CFAP47: variants seen among roughly 807,000 people sequenced by gnomAD.
CFAP47 encodes cilia- and flagella-associated protein 47.
In CFAP47, 29 loss-of-function variants were observed where a neutral mutation model predicts 148.1. The observed-to-expected ratio is 0.20, with a 90% CI of 0.15 to 0.27. The LOEUF (loss-of-function observed/expected upper bound fraction) is 0.27, where lower values mean the gene tolerates loss of function less well. CFAP47 is among the 10% of genes least tolerant of loss of function. CFAP47 has a pLI of 1.00. For synonymous variants in CFAP47, 664 were observed against 577.3 expected (o/e 1.15, Z -2.15); for missense variants, 1,872 against 1,697.5 (o/e 1.10, Z -1.81).
chrX:36,290,126 G>A (rs1556005355), intron 51 of CFAP47, among the ~76,000 whole-genome samples: 1 of 108,053 alleles, frequency 9.3e-6, no homozygotes, highest in African/African-American at 3.4e-5. Context: ...AGTCATCTAT[G>A]CTGGCCAAGC....
intron 8 of CFAP47, among the ~76,000 whole-genome samples, chrX:35,959,580 G>C (rs993942440): frequency 9.0e-6 from 1 of 111,334 alleles, no homozygotes; most frequent in Non-Finnish European, 1.9e-5. Flanking sequence ...AGGCCGAGGC[G>C]GCTGGATCAT....
At chrX:36,031,157 A>T (rs918270402) in intron 22 of CFAP47, 96 bp from the exon 23 acceptor site, 6 of 264,917 alleles carry the variant, frequency 2.3e-5, no homozygotes, top group African/African-American at 1.7e-4. Flanking sequence ...AACAAATCTT[A>T]TTTTCTTATT....
chrX:36,200,868 C>T (rs1473422496), intron 43 of CFAP47, among the ~76,000 whole-genome samples: 3 of 111,343 alleles, frequency 2.7e-5, no homozygotes, highest in African/African-American at 9.8e-5. Flanking sequence ...ATTATTTTTC[C>T]TTAAGGAACT....
chrX:36,118,471 T>A (rs147697591), intron 33 of CFAP47, among the ~76,000 whole-genome samples: 3,893 of 110,550 alleles, frequency 0.035, 83 homozygotes, highest in African/African-American at 0.071. Context: ...TTAATTAATT[T>A]ATTTATTTAT....
intron 45 of CFAP47, among the ~76,000 whole-genome samples, chrX:36,223,921 G>A (rs1205960756): frequency 1.8e-5 from 2 of 110,945 alleles, no homozygotes; most frequent in African/African-American, 6.5e-5. Context: ...ACTACTTATT[G>A]GGTATTATAC....
At chrX:36,167,863 T>G (rs1461988130) in intron 39 of CFAP47, among the ~76,000 whole-genome samples, 1 of 112,036 alleles carries the variant, frequency 8.9e-6, no homozygotes, top group African/African-American at 3.2e-5. Context: ...TGTATGCCCT[T>G]AGAACAATCT....
At chrX:36,163,630 G>A (rs1424938652) in intron 39 of CFAP47, among the ~76,000 whole-genome samples, 1 of 110,879 alleles carries the variant, frequency 9.0e-6, no homozygotes, top group Non-Finnish European at 1.9e-5. Flanking sequence ...TTACTTTTGA[G>A]ACAGAGTTAT....
At chrX:36,024,767 T>A (rs1388884585) in intron 22 of CFAP47, among the ~76,000 whole-genome samples, 1 of 111,577 alleles carries the variant, frequency 9.0e-6, no homozygotes, top group Non-Finnish European at 1.9e-5. Context: ...GAACAGGTGA[T>A]GTCAGTGATT....
chrX:36,082,916 ATGAGATAATATATT>A (rs1569253278), intron 29 of CFAP47, among the ~76,000 whole-genome samples: 2 of 111,683 alleles, frequency 1.8e-5, no homozygotes, highest in Admixed American at 1.9e-4. Context: ...TGTAACATTT[ATGAGATAATATATT>A]TAATGCATGT....
chrX:36,306,947 C>T lies in CFAP47; in HGVS notation c.8187+71C>T, dbSNP rs182125627. 1.7e-3 allele frequency: 718 copies of T among 426,547 alleles called. 5 individuals are homozygous for T. The highest frequency in any genetic ancestry group is 0.017 in the African/African-American group (639 of 38,629). The allele number at this position is 426,547 out of a possible 1,213,427, so 35.2% of individuals were successfully genotyped here. On this transcript the variant is annotated intron_variant, in intron 55 of 63. Transcript: ENST00000378653. ...AATCAATATATAAATAAATATAATT[C>T]ATCATTCACTCAATTATCATATTTT...
intron 1 of CFAP47, among the ~76,000 whole-genome samples, chrX:35,920,720 G>A (rs763651283): frequency 1.3e-4 from 14 of 111,638 alleles, no homozygotes; most frequent in African/African-American, 4.2e-4. Flanking sequence ...TATTAGTTCA[G>A]TATGATCACA....
chrX:36,274,544 T>C (rs1350604812), intron 49 of CFAP47, among the ~76,000 whole-genome samples: 1 of 112,141 alleles, frequency 8.9e-6, no homozygotes, highest in Non-Finnish European at 1.9e-5. Flanking sequence ...TTTGAAATAC[T>C]GATTAGATTT....
chrX:36,378,288 A>T (rs781868219), intron 62 of CFAP47, among the ~76,000 whole-genome samples: 112 of 112,239 alleles, frequency 1.0e-3, no homozygotes, highest in African/African-American at 3.6e-3. Context: ...TTTACTTCAG[A>T]TCATAACAAC....
chrX:36,190,418 C>T (rs1215917068), intron 42 of CFAP47, among the ~76,000 whole-genome samples: 1 of 112,627 alleles, frequency 8.9e-6, no homozygotes, highest in Non-Finnish European at 1.9e-5. Context: ...AGCAGAGTGA[C>T]CTTTTTGTGG....
At chrX:36,042,048 G>A (rs1318340593) in intron 25 of CFAP47, among the ~76,000 whole-genome samples, 1 of 110,362 alleles carries the variant, frequency 9.1e-6, no homozygotes, top group East Asian at 2.8e-4. Flanking sequence ...TCATTAAAGA[G>A]AATAATGATA....
At chrX:36,305,146 C>T (rs1168922088) in intron 54 of CFAP47, among the ~76,000 whole-genome samples, 1 of 112,066 alleles carries the variant, frequency 8.9e-6, no homozygotes, top group African/African-American at 3.2e-5. Context: ...AAAAGTAGTT[C>T]TTAGCTATCA....
chrX:36,177,431 A>G (rs897567179), intron 39 of CFAP47, among the ~76,000 whole-genome samples: 2 of 112,058 alleles, frequency 1.8e-5, no homozygotes, highest in African/African-American at 6.5e-5. Context: ...AAATGTTGGA[A>G]TATTCTTCTG....
chrX:36,163,451 G>A (rs1288910379), intron 39 of CFAP47, among the ~76,000 whole-genome samples: 1 of 109,288 alleles, frequency 9.2e-6, no homozygotes, highest in Non-Finnish European at 1.9e-5. Context: ...GTGTTTAGAT[G>A]TCTCTTTTTT....
chrX:36,203,384 A>T (rs1187265853), intron 44 of CFAP47, among the ~76,000 whole-genome samples: 1 of 111,603 alleles, frequency 9.0e-6, no homozygotes, highest in African/African-American at 3.3e-5. Flanking sequence ...CTCTTGTCAA[A>T]ACATTTTATT....
Sources: allele counts gnomAD v4.1 joint callset (sites outside exome capture counted in the v4.1 genomes callset), GRCh38; gene constraint gnomAD v4.1.1; transcripts MANE v1.5; gene names NCBI Gene and HGNC (gene_info 2026-07-23, HGNC 2026-07-21).